Variants in CDK17 observed in about 807,000 individuals in gnomAD.
The protein encoded by CDK17 is cyclin-dependent kinase 17.
Under a neutral mutation model 77.6 loss-of-function variants are expected in CDK17, and 24 were observed. The ratio of observed to expected loss-of-function variants is 0.31; its 90% confidence interval spans 0.22 to 0.44. CDK17 has a LOEUF of 0.44. CDK17 is among the 20% of genes least tolerant of loss of function. The probability of loss-of-function intolerance (pLI) is 1.00; values close to 1 mark genes in which losing one functional copy is unlikely to be tolerated. For missense variants in CDK17, 429 were observed against 622.5 expected, an observed-to-expected ratio of 0.69 and a Z score of 3.31; for synonymous variants, 203 against 210.4, an observed-to-expected ratio of 0.96 and a Z score of 0.30.
intron 1 of CDK17, among the ~76,000 whole-genome samples, chr12:96,392,605 G>C (rs1311315131): frequency 6.6e-6 from 1 of 152,214 alleles, no homozygotes; most frequent in African/African-American, 2.4e-5. Flanking sequence ...GCGTAAGAAA[G>C]AAGCTGCCAA....
intron 5 of CDK17, among the ~76,000 whole-genome samples, chr12:96,303,827 G>C (rs1036006441): frequency 9.9e-5 from 15 of 152,074 alleles, no homozygotes; most frequent in Non-Finnish European, 1.8e-4. Context: ...TGCTGTTCTA[G>C]CTGAGCTTCA....
intron 1 of CDK17, among the ~76,000 whole-genome samples, chr12:96,393,354 C>CAAAA (rs10633197): frequency 0.09 from 3,922 of 43,344 alleles, 598 homozygotes; most frequent in Non-Finnish European, 0.11. Flanking sequence ...GGCTCCGCCT[C>CAAAA]AAAAAAAAAA....
chr12:96,282,222 G>C, intron 15 of CDK17: 1 of 280,184 alleles, frequency 3.6e-6, no homozygotes, highest in Admixed American at 5.1e-5. Context: ...TAGGGACAAT[G>C]CCTGTCATCA....
chr12:96,280,121 G>T lies in CDK17; in HGVS notation c.*121C>A. ...GTCTGAAATAAAAAGACTCCACTGT[G>T]AAGAGGACAGTGTAGACAAACGGAG... On this transcript the variant is annotated 3_prime_UTR_variant, in exon 17 of 17. Coordinates refer to ENST00000261211, the MANE Select transcript of CDK17 (RefSeq NM_002595.5). 1 of 924,252 alleles carries T rather than the reference G, an allele frequency of 1.1e-6. No individual in the cohort carries two copies. Among genetic ancestry groups the T allele is most frequent in the Non-Finnish European group, 1.6e-6 (1 of 635,618 alleles). 57.3% of individuals were successfully genotyped at this position (924,252 alleles called of 1,614,324 possible).
chr12:96,286,579 T>C, intron 12 of CDK17, 85 bp downstream of exon 12: 3 of 910,720 alleles, frequency 3.3e-6, no homozygotes, highest in Non-Finnish European at 3.5e-6. Context: ...GTATCTAATT[T>C]TAAAATATGT....
intron 2 of CDK17, among the ~76,000 whole-genome samples, chr12:96,334,256 A>T (rs1192938925): frequency 2.6e-5 from 4 of 152,332 alleles, no homozygotes; most frequent in African/African-American, 9.6e-5. Context: ...TTTTTATTTT[A>T]ACATCTGGAT....
intron 11 of CDK17, among the ~76,000 whole-genome samples, chr12:96,288,252 C>G (rs1952272210): frequency 6.6e-6 from 1 of 151,950 alleles, no homozygotes; most frequent in Non-Finnish European, 1.5e-5. Flanking sequence ...ATAAACTGTT[C>G]AAGACAGCAA....
At chr12:96,372,963 G>A (rs972339009) in intron 1 of CDK17, among the ~76,000 whole-genome samples, 1 of 152,154 alleles carries the variant, frequency 6.6e-6, no homozygotes, top group Non-Finnish European at 1.5e-5. Context: ...ATGGATTCTA[G>A]TTAACCAAAG....
At chr12:96,367,205 T>C (rs1304544274) in intron 1 of CDK17, among the ~76,000 whole-genome samples, 1 of 150,760 alleles carries the variant, frequency 6.6e-6, no homozygotes, top group Non-Finnish European at 1.5e-5. Flanking sequence ...ATTAGCTGGG[T>C]GTGGTGGCGC....
At chr12:96,324,218 C>A in intron 2 of CDK17, 106 bp from the exon 3 acceptor site, 1 of 638,668 alleles carries the variant, frequency 1.6e-6, no homozygotes, top group East Asian at 3.0e-5. Flanking sequence ...GAGATTAGTA[C>A]ATTTAGCCTC....
At chr12:96,377,984 C>T (rs1251318523) in intron 1 of CDK17, among the ~76,000 whole-genome samples, 4 of 152,128 alleles carry the variant, frequency 2.6e-5, no homozygotes, top group Non-Finnish European at 4.4e-5. Flanking sequence ...TGAGCCACTG[C>T]GCCCGGCCCA....
At chr12:96,396,558 T>A (rs10777793) in intron 1 of CDK17, among the ~76,000 whole-genome samples, 76,286 of 152,014 alleles carry the variant, frequency 0.5, 20,111 homozygotes, top group African/African-American at 0.64. Flanking sequence ...AATGCCATTA[T>A]CACTTTATGA....
chr12:96,357,481 G>A (rs930512904), intron 1 of CDK17, among the ~76,000 whole-genome samples: 15 of 152,066 alleles, frequency 9.9e-5, no homozygotes, highest in Admixed American at 2.0e-4. Context: ...AAACAGGAGA[G>A]ACGAGAAGGC....
chr12:96,299,896 A>G (rs1360435119), intron 6 of CDK17, among the ~76,000 whole-genome samples: 1 of 152,150 alleles, frequency 6.6e-6, no homozygotes, highest in Non-Finnish European at 1.5e-5. Context: ...AGTTCAAGAA[A>G]ACCAAGATCT....
rs1237958844 is a variant in CDK17 at position 96,400,331 on chromosome 12, G to A, written c.-375C>T. ...GGCTGAGACTGTCTGGCCGGGCGCT[G>A]GCTCCTTCTCCGCGGCTCTGCGGCG... On this transcript the variant is annotated 5_prime_UTR_variant, in exon 1 of 17. Transcript: ENST00000261211. 3 of 388,214 alleles carry A rather than the reference G, an allele frequency of 7.7e-6. No homozygotes were observed. Among genetic ancestry groups the A allele is most frequent in the African/African-American group, 6.2e-5 (3 of 48,114 alleles). The allele number at this position is 388,214 out of a possible 1,614,324, so 24.0% of individuals were successfully genotyped here.
chr12:96,310,067 AAAC>A (rs1952627536), intron 5 of CDK17, among the ~76,000 whole-genome samples: 1 of 152,188 alleles, frequency 6.6e-6, no homozygotes, highest in Non-Finnish European at 1.5e-5. Flanking sequence ...CAAAAACCGA[AAAC>A]AACCAGAATG....
intron 1 of CDK17, among the ~76,000 whole-genome samples, chr12:96,347,300 A>C (rs1448290577): frequency 1.3e-5 from 2 of 151,982 alleles, no homozygotes; most frequent in African/African-American, 4.8e-5. Flanking sequence ...GTGGTGGCTC[A>C]TGCCTGTAAT....
At chr12:96,283,545 A>G in intron 14 of CDK17, 58 bp downstream of exon 14, 1 of 1,003,646 alleles carries the variant, frequency 1.0e-6, no homozygotes, top group Non-Finnish European at 1.6e-6. Flanking sequence ...CCCATTCTAC[A>G]CATGAAGAAG....
At chr12:96,348,206 G>C (rs575354632) in intron 1 of CDK17, among the ~76,000 whole-genome samples, 10 of 151,954 alleles carry the variant, frequency 6.6e-5, no homozygotes, top group Non-Finnish European at 4.4e-5. Context: ...AAACAAAATA[G>C]AGAATAGAAA....
Sources: allele counts gnomAD v4.1 joint callset (sites outside exome capture counted in the v4.1 genomes callset), GRCh38; gene constraint gnomAD v4.1.1; transcripts MANE v1.5; gene names NCBI Gene and HGNC (gene_info 2026-07-23, HGNC 2026-07-21).